The following CFAP61 variants were observed in gnomAD, a reference collection of about 807,000 sequenced individuals.
CFAP61 encodes the protein cilia- and flagella-associated protein 61.
A neutral mutation model predicts 135.6 loss-of-function variants in CFAP61; 107 were observed. The ratio of observed to expected loss-of-function variants is 0.79; its 90% CI spans 0.67 to 0.93. The LOEUF (loss-of-function observed/expected upper bound fraction) is 0.93. Among genes scored for constraint, CFAP61 ranks in the 40% least tolerant of loss-of-function variants. The probability of loss-of-function intolerance (pLI) is 0.00; values close to 1 mark genes in which losing one functional copy is unlikely to be tolerated. For missense variants in CFAP61, 1,507 were observed against 1,556.2 expected (o/e 0.97, Z 0.53); for synonymous variants, 575 against 578.5 (o/e 0.99, Z 0.09).
chr20:20,167,981 G>A (rs1434711295), intron 12 of CFAP61, among the ~76,000 whole-genome samples: 1 of 152,104 alleles, frequency 6.6e-6, no homozygotes, highest in African/African-American at 2.4e-5. Context: ...TGGAGTGTGA[G>A]CCACATTGGT....
At chr20:20,356,097 T>C (rs2059136403) in intron 26 of CFAP61, among the ~76,000 whole-genome samples, 1 of 39,866 alleles carries the variant, frequency 2.5e-5, no homozygotes, top group African/African-American at 7.0e-5. Flanking sequence ...GGTCACACTG[T>C]GAGGGGAGGT....
At chr20:20,191,955 G>A (rs1189414466) in intron 15 of CFAP61, among the ~76,000 whole-genome samples, 1 of 151,968 alleles carries the variant, frequency 6.6e-6, no homozygotes, top group African/African-American at 2.4e-5. Flanking sequence ...TTTAAACTCT[G>A]TTCTGTTCCG....
At chr20:20,063,004 C>A (rs1202866007) in intron 2 of CFAP61, among the ~76,000 whole-genome samples, 1 of 152,082 alleles carries the variant, frequency 6.6e-6, no homozygotes, top group African/African-American at 2.4e-5. Flanking sequence ...AAACTGCATG[C>A]CAATAAATTT....
At chr20:20,215,352 A>G (rs548576308) in intron 17 of CFAP61, 3 of 152,350 alleles carry the variant, frequency 2.0e-5, no homozygotes, top group Admixed American at 6.5e-5. Flanking sequence ...TAAGTCCTCC[A>G]TAAAGCCTTC....
intron 12 of CFAP61, among the ~76,000 whole-genome samples, chr20:20,168,094 T>C (rs2053964012): frequency 6.6e-6 from 1 of 152,198 alleles, no homozygotes; most frequent in African/African-American, 2.4e-5. Context: ...CAATCCTTTT[T>C]TTAAAGAGAT....
chr20:20,357,006 T>G (rs1434939182), intron 26 of CFAP61, among the ~76,000 whole-genome samples: 1 of 95,440 alleles, frequency 1.0e-5, no homozygotes, highest in Admixed American at 1.1e-4. Context: ...TGAGGGGAGG[T>G]GGTCACACTG....
At chr20:20,144,903 T>C (rs2051740845) in intron 9 of CFAP61, among the ~76,000 whole-genome samples, 1 of 151,938 alleles carries the variant, frequency 6.6e-6, no homozygotes, top group African/African-American at 2.4e-5. Flanking sequence ...GAAAATAAAC[T>C]CCACCCTAGA....
At chr20:20,316,661 A>G (rs1312248933) in intron 25 of CFAP61, 1 of 151,742 alleles carries the variant, frequency 6.6e-6, no homozygotes, top group African/African-American at 2.4e-5. Flanking sequence ...ATTCAGTATG[A>G]TATTGGCTAT....
At chr20:20,253,608 T>TGACC (rs1244318804) in intron 20 of CFAP61, 7 of 489,620 alleles carry the variant, frequency 1.4e-5, no homozygotes, top group Non-Finnish European at 2.8e-5. Flanking sequence ...TTTGGGCCAC[T>TGACC]GACCCTGTGT....
At chr20:20,195,009 C>T (rs1438432745) in intron 15 of CFAP61, among the ~76,000 whole-genome samples, 1 of 152,142 alleles carries the variant, frequency 6.6e-6, no homozygotes, top group Non-Finnish European at 1.5e-5. Context: ...GATTTCTCAG[C>T]CCTATACTTA....
chr20:20,273,279 T>G (rs1164002678), intron 21 of CFAP61, among the ~76,000 whole-genome samples: 1 of 152,200 alleles, frequency 6.6e-6, no homozygotes, highest in Non-Finnish European at 1.5e-5. Flanking sequence ...ATCTATCATT[T>G]GTTGTAGGCA....
chr20:20,104,794 G>T (rs1459017605), intron 8 of CFAP61, among the ~76,000 whole-genome samples: 1 of 152,180 alleles, frequency 6.6e-6, no homozygotes, highest in African/African-American at 2.4e-5. Context: ...AGTTTCTTTT[G>T]AGGCCTCCCT....
intron 8 of CFAP61, among the ~76,000 whole-genome samples, chr20:20,140,863 C>T (rs1340901559): frequency 2.6e-5 from 4 of 151,952 alleles, no homozygotes; most frequent in African/African-American, 7.2e-5. Flanking sequence ...CACATATACA[C>T]CATGGAATAC....
chr20:20,185,407 C>T (rs905663935), intron 13 of CFAP61, among the ~76,000 whole-genome samples: 2 of 152,058 alleles, frequency 1.3e-5, no homozygotes, highest in Non-Finnish European at 2.9e-5. Flanking sequence ...GCTGGACTAG[C>T]ACTGGAGGTC....
At chr20:20,152,688 A>G (rs1488503578) in intron 9 of CFAP61, among the ~76,000 whole-genome samples, 1 of 150,286 alleles carries the variant, frequency 6.7e-6, no homozygotes, top group African/African-American at 2.4e-5. Context: ...CTAAATATAT[A>G]TGCACCTAAC....
At chr20:20,222,201 A>C (rs918333096) in intron 17 of CFAP61, among the ~76,000 whole-genome samples, 2 of 152,232 alleles carry the variant, frequency 1.3e-5, no homozygotes, top group African/African-American at 2.4e-5. Flanking sequence ...CCACAAGTGA[A>C]TGTCATAGGG....
chr20:20,322,406 G>A (rs908750660), intron 25 of CFAP61, among the ~76,000 whole-genome samples: 1 of 152,180 alleles, frequency 6.6e-6, no homozygotes, highest in African/African-American at 2.4e-5. Flanking sequence ...ATGGCAGGGG[G>A]TTGAGCGGAT....
intron 2 of CFAP61, among the ~76,000 whole-genome samples, chr20:20,058,258 G>T (rs756036096): frequency 6.6e-5 from 10 of 152,116 alleles, no homozygotes; most frequent in African/African-American, 2.4e-4. Flanking sequence ...CCAATGAAAT[G>T]ATTTTATTTT....
chr20:20,296,469 CCTTT>C (rs1040505965), intron 24 of CFAP61, among the ~76,000 whole-genome samples: 4 of 146,766 alleles, frequency 2.7e-5, no homozygotes, highest in African/African-American at 5.0e-5. Context: ...TTCCTTCCTT[CCTTT>C]CTTTTTCCTC....
Sources: allele counts gnomAD v4.1 joint callset (sites outside exome capture counted in the v4.1 genomes callset), GRCh38; gene constraint gnomAD v4.1.1; transcripts MANE v1.5; gene names NCBI Gene and HGNC (gene_info 2026-07-23, HGNC 2026-07-21).